TOX: variants seen among roughly 807,000 people sequenced by gnomAD.
TOX encodes the protein thymocyte selection-associated high mobility group box protein TOX.
In TOX, 11 loss-of-function variants were observed where a neutral mutation model predicts 53.7. That is an observed-to-expected ratio of 0.20 (90% confidence interval 0.13 to 0.34). The LOEUF is 0.34. Among genes scored for constraint, TOX ranks in the 10% least tolerant of loss-of-function variants. The pLI is 1.00. For missense variants in TOX, 570 were observed against 664.6 expected (o/e 0.86, Z 1.56); for synonymous variants, 225 against 245.3 (o/e 0.92, Z 0.77).
intron 1 of TOX, among the ~76,000 whole-genome samples, chr8:59,015,666 C>T (rs978641830): frequency 6.6e-6 from 1 of 152,058 alleles, no homozygotes; most frequent in Non-Finnish European, 1.5e-5. Context: ...TATTGGTTTG[C>T]TTTGCTTGAT....
chr8:58,951,352 T>A (rs1812616911), intron 2 of TOX, among the ~76,000 whole-genome samples: 1 of 152,184 alleles, frequency 6.6e-6, no homozygotes, highest in Non-Finnish European at 1.5e-5. Context: ...ATTATAAATC[T>A]AATTATTTCA....
At chr8:59,012,387 C>T (rs1813923456) in intron 1 of TOX, among the ~76,000 whole-genome samples, 1 of 151,674 alleles carries the variant, frequency 6.6e-6, no homozygotes, top group Non-Finnish European at 1.5e-5. Flanking sequence ...CAGAGAGGCC[C>T]AAGGGAGTGG....
intron 1 of TOX, among the ~76,000 whole-genome samples, chr8:59,003,764 C>T (rs1012854094): frequency 6.6e-6 from 1 of 152,122 alleles, no homozygotes; most frequent in African/African-American, 2.4e-5. Context: ...ATGTATTTTC[C>T]TTTGCTCAAT....
chr8:59,028,763 A>C (rs1814293133), intron 1 of TOX, among the ~76,000 whole-genome samples: 1 of 152,154 alleles, frequency 6.6e-6, no homozygotes, highest in East Asian at 1.9e-4. Context: ...CAGATTTCAT[A>C]GTTTTAATAT....
At chr8:58,869,753 A>G (rs1811166982) in intron 3 of TOX, among the ~76,000 whole-genome samples, 1 of 152,170 alleles carries the variant, frequency 6.6e-6, no homozygotes. Context: ...AAATCTAACA[A>G]TGTATTACAA....
At chr8:58,856,111 A>G (rs990498563) in intron 3 of TOX, among the ~76,000 whole-genome samples, 1 of 152,162 alleles carries the variant, frequency 6.6e-6, no homozygotes, top group African/African-American at 2.4e-5. Context: ...CTTTTTTTAC[A>G]TACTTGTACT....
chr8:59,014,888 C>T (rs7007391), intron 1 of TOX, among the ~76,000 whole-genome samples: 2 of 152,118 alleles, frequency 1.3e-5, no homozygotes, highest in South Asian at 4.1e-4. Flanking sequence ...AAAGAAATAA[C>T]CGCTACAAAA....
chr8:59,018,171 G>A (rs1037538218), intron 1 of TOX, among the ~76,000 whole-genome samples: 1 of 152,122 alleles, frequency 6.6e-6, no homozygotes, highest in Non-Finnish European at 1.5e-5. Flanking sequence ...GAAATGGTAA[G>A]GTTTTAAGGA....
intron 1 of TOX, among the ~76,000 whole-genome samples, chr8:59,115,131 C>G (rs549675502): frequency 2.0e-5 from 3 of 151,972 alleles, no homozygotes; most frequent in Admixed American, 6.5e-5. Context: ...CTAAATCAAC[C>G]AAAGAAAGAT....
chr8:58,889,212 CAAAAA>C (rs10556451), intron 3 of TOX, among the ~76,000 whole-genome samples: 1 of 114,438 alleles, frequency 8.7e-6, no homozygotes, highest in Non-Finnish European at 1.8e-5. Context: ...TTTACAATAG[CAAAAA>C]AAAAAAAAAA....
chr8:58,861,021 T>C (rs534577464), intron 3 of TOX, among the ~76,000 whole-genome samples: 1 of 152,302 alleles, frequency 6.6e-6, no homozygotes, highest in East Asian at 1.9e-4. Flanking sequence ...TTCTGATTGC[T>C]TCATGCCAAT....
chr8:59,084,437 A>G (rs962529245), intron 1 of TOX, among the ~76,000 whole-genome samples: 1 of 152,172 alleles, frequency 6.6e-6, no homozygotes, highest in African/African-American at 2.4e-5. Flanking sequence ...TCTCTGGTAA[A>G]ATAAAAATAC....
At chr8:58,998,793 T>C (rs112023349) in intron 1 of TOX, among the ~76,000 whole-genome samples, 1 of 151,814 alleles carries the variant, frequency 6.6e-6, no homozygotes, top group Non-Finnish European at 1.5e-5. Flanking sequence ...ATTCAGATAG[T>C]CTTCCTATTT....
In TOX at chr8:58,878,205, GAAA is replaced by G. The variant is rs3083365; in HGVS notation, c.412-26403_412-26401del. ...ATGACTCAAAGTTAGGTGGTATTTGGAAAAAAAAAAAAAGAGAGAGAATCTAAA... is the reference window on the plus strand; with the variant it reads ...ATGACTCAAAGTTAGGTGGTATTTGGAAAAAAAAAAGAGAGAGAATCTAAA... On this transcript the variant is annotated intron_variant, in intron 3 of 8. Coordinates refer to ENST00000361421, the MANE Select transcript of TOX (RefSeq NM_014729.3). Among the ~76,000 whole-genome samples, 9 of 141,222 alleles carry G rather than the reference GAAA, an allele frequency of 6.4e-5. No homozygotes were observed. In the South Asian group the frequency reaches 9.0e-4, roughly 14 times the overall value. The allele number at this position is 141,222 out of a possible 152,430, so 92.6% of individuals were successfully genotyped here. A position where few individuals can be genotyped will look rare whatever the true frequency, so the allele number is the denominator to read the frequency against.
intron 4 of TOX, among the ~76,000 whole-genome samples, chr8:58,844,428 G>A (rs1810689631): frequency 6.6e-6 from 1 of 152,122 alleles, no homozygotes; most frequent in Non-Finnish European, 1.5e-5. Flanking sequence ...GCTAAGACTG[G>A]AGAGTTAAAT....
intron 3 of TOX, among the ~76,000 whole-genome samples, chr8:58,882,347 C>A (rs1288533141): frequency 1.3e-5 from 2 of 152,194 alleles, no homozygotes; most frequent in African/African-American, 4.8e-5. Flanking sequence ...ATTGGACAGG[C>A]AGCTACTGTC....
chr8:59,054,410 T>C (rs1009259068), intron 1 of TOX, among the ~76,000 whole-genome samples: 3 of 152,194 alleles, frequency 2.0e-5, no homozygotes, highest in Admixed American at 6.5e-5. Flanking sequence ...TCAGGAACTG[T>C]TGCCTTTTAT....
intron 3 of TOX, among the ~76,000 whole-genome samples, chr8:58,922,380 C>A (rs144696417): frequency 1.2e-3 from 177 of 152,262 alleles, no homozygotes; most frequent in Non-Finnish European, 1.3e-3. Context: ...AATGTGCATG[C>A]GTGTGTATAC....
intron 1 of TOX, among the ~76,000 whole-genome samples, chr8:59,064,695 T>A (rs1483188767): frequency 6.6e-6 from 1 of 152,142 alleles, no homozygotes; most frequent in East Asian, 1.9e-4. Flanking sequence ...ACAAATACAT[T>A]TCCTTCTATA....
Sources: allele counts gnomAD v4.1 joint callset (sites outside exome capture counted in the v4.1 genomes callset), GRCh38; gene constraint gnomAD v4.1.1; transcripts MANE v1.5; gene names NCBI Gene and HGNC (gene_info 2026-07-23, HGNC 2026-07-21).